Variants in PCDHGA6 observed in about 807,000 individuals in gnomAD.
PCDHGA6 encodes protocadherin gamma subfamily A, 6, also known as protocadherin gamma-A6.
In PCDHGA6, 41 loss-of-function variants were observed where a neutral mutation model predicts 60.6. The observed-to-expected ratio is 0.68, with a 90% CI of 0.53 to 0.88. The LOEUF is 0.88. Ranked by LOEUF, PCDHGA6 falls within the 40% of genes least tolerant of loss-of-function variation. The pLI is 0.00. For missense variants in PCDHGA6, 1,312 were observed against 1,203.0 expected (o/e 1.09, Z -1.34); for synonymous variants, 594 against 524.4 (o/e 1.13, Z -1.81).
intron 1 of PCDHGA6, chr5:141,390,092 G>A (rs1469999630): frequency 1.9e-6 from 3 of 1,613,918 alleles, no homozygotes; most frequent in African/African-American, 2.7e-5. Context: ...CCGAATCCGT[G>A]GTTCCCCCCA....
intron 1 of PCDHGA6, chr5:141,427,690 T>TC (rs1331581287): frequency 2.3e-6 from 2 of 881,240 alleles, no homozygotes; most frequent in Non-Finnish European, 3.7e-6. Context: ...GGAGCCTCCA[T>TC]CCCACAAGTC....
rs576318312 is a variant in PCDHGA6, at chr5:141,410,171, A to G, written c.2424+33664A>G. On this transcript the variant is annotated intron_variant, in intron 1 of 3. Coordinates refer to ENST00000517434, the MANE Select transcript of PCDHGA6 (RefSeq NM_018919.3). ...CGGTGGACAGCCGCCACTCTCTGCCACCGCCACGCTTCATCTGGTCTTCGC... is the reference window on the plus strand; with the variant it reads ...CGGTGGACAGCCGCCACTCTCTGCCGCCGCCACGCTTCATCTGGTCTTCGC... 181 of 1,613,780 alleles carry G rather than the reference A, an allele frequency of 1.1e-4. 1 individual carries two copies. The East Asian group carries it at 4.0e-3, about 36-fold the overall frequency.
chr5:141,403,688 A>T (rs1385402830), intron 1 of PCDHGA6: 1 of 1,613,836 alleles, frequency 6.2e-7, no homozygotes, highest in Non-Finnish European at 8.5e-7. Flanking sequence ...TGCTCAACGG[A>T]TTTACCGAGT....
At chr5:141,421,218 A>G (rs969154252) in intron 1 of PCDHGA6, 1 of 1,570,664 alleles carries the variant, frequency 6.4e-7, no homozygotes, top group Admixed American at 1.9e-5. Flanking sequence ...ATATCGGCTT[A>G]GAGCCTGCCA....
chr5:141,385,076 A>G, intron 1 of PCDHGA6: 1 of 1,614,206 alleles, frequency 6.2e-7, no homozygotes, highest in Non-Finnish European at 8.5e-7. Context: ...CGCCTGCTGC[A>G]GGCTTCAGAA....
chr5:141,427,434 A>G (rs2097026509), intron 1 of PCDHGA6: 1 of 473,650 alleles, frequency 2.1e-6, no homozygotes, highest in African/African-American at 2.0e-5. Context: ...TACATGCCTC[A>G]TAAACGAAAG....
At chr5:141,452,082 T>C (rs924362905) in intron 1 of PCDHGA6, among the ~76,000 whole-genome samples, 6 of 152,358 alleles carry the variant, frequency 3.9e-5, no homozygotes, top group Admixed American at 6.5e-5. Flanking sequence ...GTTGGCATTA[T>C]ACAGTAAGAA....
chr5:141,474,970 A>G (rs1309289477), intron 1 of PCDHGA6, among the ~76,000 whole-genome samples: 4 of 152,212 alleles, frequency 2.6e-5, no homozygotes, highest in African/African-American at 9.6e-5. Context: ...TAATCATTAT[A>G]ATTTTGTTTG....
intron 1 of PCDHGA6, chr5:141,389,877 A>T: frequency 6.2e-7 from 1 of 1,614,088 alleles, no homozygotes; most frequent in South Asian, 1.1e-5. Context: ...CTTCGCCGAC[A>T]GCTTGCAGGA....
At chr5:141,440,822 A>T (rs1561900737) in intron 1 of PCDHGA6, 2 of 152,058 alleles carry the variant, frequency 1.3e-5, no homozygotes, top group Non-Finnish European at 2.9e-5. Context: ...TCAACTCCTG[A>T]TCCTATTGGT....
intron 1 of PCDHGA6, chr5:141,418,297 C>T (rs760176371): frequency 2.5e-6 from 4 of 1,614,026 alleles, no homozygotes; most frequent in African/African-American, 2.7e-5. Flanking sequence ...GTGAATCCGT[C>T]AGCCTGGGGA....
chr5:141,466,016 G>A (rs1592991828), intron 1 of PCDHGA6, among the ~76,000 whole-genome samples: 2 of 152,032 alleles, frequency 1.3e-5, no homozygotes, highest in East Asian at 3.9e-4. Flanking sequence ...CAGCTACTCG[G>A]GAGGGTGAGG....
intron 1 of PCDHGA6, among the ~76,000 whole-genome samples, chr5:141,473,069 A>G (rs552033483): frequency 3.9e-4 from 59 of 152,180 alleles, no homozygotes; most frequent in South Asian, 8.3e-4. Flanking sequence ...AAGTTACAGC[A>G]TCTTTGTTTA....
At chr5:141,471,046 CTT>C (rs1170588345) in intron 1 of PCDHGA6, among the ~76,000 whole-genome samples, 2,578 of 113,210 alleles carry the variant, frequency 0.023, 53 homozygotes, top group East Asian at 0.11. Context: ...CCCAAGCCCT[CTT>C]TTTTTTTTTT....
intron 1 of PCDHGA6, among the ~76,000 whole-genome samples, chr5:141,430,253 T>G (rs2097270288): frequency 9.8e-6 from 1 of 102,050 alleles, no homozygotes; most frequent in Admixed American, 1.0e-4. Context: ...TAGGGAGACA[T>G]CTCCATAATA....
chr5:141,450,565 C>A (rs1024229182), intron 1 of PCDHGA6, among the ~76,000 whole-genome samples: 4 of 152,016 alleles, frequency 2.6e-5, no homozygotes, highest in African/African-American at 9.7e-5. Flanking sequence ...CGGCTCACTG[C>A]AACTTCTGCC....
chr5:141,429,264 A>T (rs1029363907), intron 1 of PCDHGA6: 1 of 151,938 alleles, frequency 6.6e-6, no homozygotes, highest in Non-Finnish European at 1.5e-5. Flanking sequence ...TGAGGAATAA[A>T]TTTTTTTCCT....
At chr5:141,408,816 A>T in intron 1 of PCDHGA6, 1 of 1,613,562 alleles carries the variant, frequency 6.2e-7, no homozygotes, top group East Asian at 2.2e-5. Flanking sequence ...CGGGAAGAAC[A>T]GAGATCTCAT....
At chr5:141,446,822 A>G (rs976227044) in intron 1 of PCDHGA6, among the ~76,000 whole-genome samples, 1 of 152,206 alleles carries the variant, frequency 6.6e-6, no homozygotes, top group African/African-American at 2.4e-5. Flanking sequence ...TCAGATGGGT[A>G]GATCCTTATA....
Sources: allele counts gnomAD v4.1 joint callset (sites outside exome capture counted in the v4.1 genomes callset), GRCh38; gene constraint gnomAD v4.1.1; transcripts MANE v1.5; gene names NCBI Gene and HGNC (gene_info 2026-07-23, HGNC 2026-07-21).